The following CTNNA3 variants were observed in gnomAD, a reference collection of about 807,000 sequenced individuals.
The protein encoded by CTNNA3 is catenin alpha-3.
A neutral mutation model predicts 95.7 loss-of-function variants in CTNNA3; 76 were observed. The ratio of observed to expected loss-of-function variants is 0.79; its 90% CI spans 0.66 to 0.96. The LOEUF (loss-of-function observed/expected upper bound fraction) is 0.96. Ranked by LOEUF, CTNNA3 falls within the 40% of genes least tolerant of loss-of-function variation. The pLI, the probability that CTNNA3 is intolerant of heterozygous loss-of-function variation, is 0.00. For missense variants in CTNNA3, 1,191 were observed against 1,089.8 expected, an observed-to-expected ratio of 1.09 and a Z score of -1.31; for synonymous variants, 431 against 374.4, an observed-to-expected ratio of 1.15 and a Z score of -1.74.
chr10:66,837,868 T>C (rs1313899915), intron 7 of CTNNA3, among the ~76,000 whole-genome samples: 1 of 152,138 alleles, frequency 6.6e-6, no homozygotes, highest in Non-Finnish European at 1.5e-5. Context: ...TCAAGGACTA[T>C]AAATATCCCT....
At chr10:66,125,278 T>C (rs2082768267) in intron 13 of CTNNA3, among the ~76,000 whole-genome samples, 1 of 152,196 alleles carries the variant, frequency 6.6e-6, no homozygotes, top group Admixed American at 6.5e-5. Context: ...ATATATTGTA[T>C]GATTGTAGCA....
At chr10:67,727,439 C>G (rs1200304201) in intron 1 of CTNNA3, among the ~76,000 whole-genome samples, 1 of 128,688 alleles carries the variant, frequency 7.8e-6, no homozygotes, top group African/African-American at 2.9e-5. Context: ...CTAGAATTTT[C>G]TATATATTAT....
chr10:66,452,776 G>A (rs1472928025), intron 11 of CTNNA3, among the ~76,000 whole-genome samples: 1 of 151,988 alleles, frequency 6.6e-6, no homozygotes, highest in Non-Finnish European at 1.5e-5. Context: ...CACCCAGACT[G>A]GTAAACCAAC....
chr10:67,630,634 G>A (rs1447638333), intron 2 of CTNNA3, among the ~76,000 whole-genome samples: 1 of 152,152 alleles, frequency 6.6e-6, no homozygotes, highest in Non-Finnish European at 1.5e-5. Context: ...AAGGGGACAG[G>A]TGGGAGACAC....
chr10:66,125,661 T>C (rs2082788926), intron 13 of CTNNA3, among the ~76,000 whole-genome samples: 1 of 152,184 alleles, frequency 6.6e-6, no homozygotes, highest in Non-Finnish European at 1.5e-5. Context: ...GGAGTATTCT[T>C]CATAAATATA....
At position 67,178,466 on chromosome 10, in the gene CTNNA3, C is replaced by T. The variant is rs551443475; in HGVS notation, c.1047+1851G>A. Among the ~76,000 whole-genome samples, 5 of 151,974 alleles carry T rather than the reference C, an allele frequency of 3.3e-5. No individual in the cohort carries two copies. In the East Asian group the frequency reaches 7.7e-4, roughly 24 times the overall value. On this transcript the variant is annotated intron_variant, in intron 7 of 17. Transcript: ENST00000433211. ...ACATTAAATAGCAAACAAAAATAAC[C>T]TTTCATAGGTCACGAGAGACTGTGT... is the stretch of plus-strand genomic sequence containing the variant.
intron 10 of CTNNA3, among the ~76,000 whole-genome samples, chr10:66,572,892 G>A (rs1842910599): frequency 6.6e-6 from 1 of 152,138 alleles, no homozygotes; most frequent in African/African-American, 2.4e-5. Context: ...CTTGCAAACA[G>A]ACAATATTTG....
Position 66,474,167 on chromosome 10 carries a change from GTCTA to G in CTNNA3, c.1531+46446_1531+46449del, listed in dbSNP as rs1378339111. Reference sequence around the variant, plus strand: ...TGTGCAATAGAACAGAAGTTATTCTGTCTATCTAACTGTAACTTTGTAGCCATTG... The same window carrying G: ...TGTGCAATAGAACAGAAGTTATTCTGTCTAACTGTAACTTTGTAGCCATTG... On this transcript the variant is annotated intron_variant, in intron 11 of 17. Transcript: ENST00000433211. 5.9e-5 allele frequency among the ~76,000 whole-genome samples: 9 copies of G among 152,096 alleles called. No individual in the cohort carries two copies. The East Asian group carries it at 9.7e-4, about 16-fold the overall frequency.
intron 5 of CTNNA3, among the ~76,000 whole-genome samples, chr10:67,432,273 TAC>T (rs1332870619): frequency 2.6e-5 from 4 of 152,026 alleles, no homozygotes; most frequent in Non-Finnish European, 5.9e-5. Context: ...ACAGAAAATG[TAC>T]ACTTACATTA....
chr10:66,378,820 G>T (rs996102622), intron 12 of CTNNA3, among the ~76,000 whole-genome samples: 1 of 152,100 alleles, frequency 6.6e-6, no homozygotes, highest in East Asian at 1.9e-4. Flanking sequence ...TTAACAGAGG[G>T]TTTGGTGACT....
Position 67,629,228 on chromosome 10 carries a change from T to C in CTNNA3, c.99+18187A>G, listed in dbSNP as rs12412914. On this transcript the variant is annotated intron_variant, in intron 2 of 17. Coordinates refer to ENST00000433211, the MANE Select transcript of CTNNA3 (RefSeq NM_013266.4). ...TATGCACACTGAAATAAATTTTATATGTCCTTTCTCCTATTAATCTGCCTT... is the reference window on the plus strand; with the variant it reads ...TATGCACACTGAAATAAATTTTATACGTCCTTTCTCCTATTAATCTGCCTT... Among the ~76,000 whole-genome samples the C allele has an allele frequency of 0.034, 5,190 of 152,280 alleles. 620 individuals carry two copies. In the East Asian group the frequency reaches 0.44, roughly 13 times the overall value.
intron 13 of CTNNA3, chr10:66,118,166 C>T (rs928143944): frequency 6.6e-6 from 1 of 152,148 alleles, no homozygotes; most frequent in Non-Finnish European, 1.5e-5. Context: ...AAAGCAATTA[C>T]AAATAATCAT....
In CTNNA3 at chr10:66,752,540, T is replaced by A. The variant is rs182554921; in HGVS notation, c.1281+13724A>T. Among the ~76,000 whole-genome samples, 17 of 152,190 alleles carry A rather than the reference T, an allele frequency of 1.1e-4. No homozygotes were observed. The East Asian group carries it at 2.9e-3, about 26-fold the overall frequency. On this transcript the variant is annotated intron_variant, in intron 9 of 17. Coordinates refer to ENST00000433211, the MANE Select transcript of CTNNA3 (RefSeq NM_013266.4). ...ATTAGGCAAAAGTTTCTTATCTAAGTCATAAAAGCATAATCCATATATAGT... is the reference window on the plus strand; with the variant it reads ...ATTAGGCAAAAGTTTCTTATCTAAGACATAAAAGCATAATCCATATATAGT...
At chr10:66,697,345 A>G (rs1266913000) in intron 9 of CTNNA3, among the ~76,000 whole-genome samples, 2 of 151,426 alleles carry the variant, frequency 1.3e-5, no homozygotes, top group African/African-American at 4.8e-5. Flanking sequence ...ATTGGAGTCT[A>G]GAAGAATAAA....
At chr10:67,160,091 A>T (rs948022036) in intron 7 of CTNNA3, among the ~76,000 whole-genome samples, 4 of 152,172 alleles carry the variant, frequency 2.6e-5, no homozygotes, top group Non-Finnish European at 5.9e-5. Context: ...CAAGAGAAAA[A>T]ATACAGATAC....
intron 11 of CTNNA3, among the ~76,000 whole-genome samples, chr10:66,518,808 G>A (rs930977967): frequency 6.6e-6 from 1 of 151,746 alleles, no homozygotes; most frequent in Non-Finnish European, 1.5e-5. Context: ...GGAATCAAAG[G>A]CCATTAATTT....
chr10:67,211,184 A>T (rs1029830573), intron 6 of CTNNA3, among the ~76,000 whole-genome samples: 30 of 152,264 alleles, frequency 2.0e-4, no homozygotes, highest in African/African-American at 7.2e-4. Flanking sequence ...ACTGATGGTC[A>T]TGAGACTCAT....
chr10:66,813,144 A>G (rs923552007), intron 7 of CTNNA3, among the ~76,000 whole-genome samples: 1 of 152,106 alleles, frequency 6.6e-6, no homozygotes, highest in Non-Finnish European at 1.5e-5. Context: ...TCATGTTCAG[A>G]GTTTTGGAAT....
intron 9 of CTNNA3, among the ~76,000 whole-genome samples, chr10:66,699,487 A>G (rs6480205): frequency 0.18 from 27,098 of 151,882 alleles, 3,067 homozygotes; most frequent in East Asian, 0.34. Flanking sequence ...CATTAGTGAC[A>G]TTGAGCACCT....
Sources: allele counts gnomAD v4.1 joint callset (sites outside exome capture counted in the v4.1 genomes callset), GRCh38; gene constraint gnomAD v4.1.1; transcripts MANE v1.5; gene names NCBI Gene and HGNC (gene_info 2026-07-23, HGNC 2026-07-21).